HSPG2: variants seen among roughly 807,000 people sequenced by gnomAD.
HSPG2 encodes basement membrane-specific heparan sulfate proteoglycan core protein.
Under a neutral mutation model 526.6 loss-of-function variants are expected in HSPG2, and 278 were observed. The ratio of observed to expected loss-of-function variants is 0.53; its 90% confidence interval spans 0.48 to 0.58. HSPG2 has a LOEUF of 0.58. HSPG2 is among the 20% of genes least tolerant of loss of function. The pLI is 0.00. For missense variants in HSPG2, 5,354 were observed against 6,099.5 expected, an observed-to-expected ratio of 0.88 and a Z score of 4.07; for synonymous variants, 2,465 against 2,555.4, an observed-to-expected ratio of 0.96 and a Z score of 1.07.
intron 44 of HSPG2, among the ~76,000 whole-genome samples, chr1:21,856,365 G>C (rs1403259056): frequency 6.6e-6 from 1 of 152,146 alleles, no homozygotes; most frequent in Non-Finnish European, 1.5e-5. Flanking sequence ...TCCTCAGAGA[G>C]GCCCTCCCTG....
At chr1:21,933,915 C>A (rs1161576038) in intron 1 of HSPG2, among the ~76,000 whole-genome samples, 2 of 152,220 alleles carry the variant, frequency 1.3e-5, no homozygotes, top group African/African-American at 4.8e-5. Context: ...CAGCTGGCAG[C>A]CTCCCCAGTG....
chr1:21,906,191 C>T (rs900119599), intron 1 of HSPG2, among the ~76,000 whole-genome samples: 3 of 152,242 alleles, frequency 2.0e-5, no homozygotes, highest in African/African-American at 7.2e-5. Context: ...CTGGGACTTT[C>T]CTGCTGGGAA....
chr1:21,847,715 C>A lies in HSPG2; in HGVS notation c.7999G>T (p.Gly2667Trp), dbSNP rs768427974. The change falls in exon 61 of 97, where the codon GGG (glycine) becomes TGG (tryptophan). Residue 2667 changes from glycine (G) to tryptophan (W), a missense_variant. Gly to Trp is a radical substitution (Grantham distance 184). Transcript: ENST00000374695. This position sits in a 1 kb window ranked among gnomAD's most constrained non-coding sequence, Gnocchi z 4.1. ...TGGTGTCGGGAGGGAAGGCTGCCCC[C>A]ACGCTTGTACCATGTGATGATAGCC... Reference protein sequence around the residue: ...PQAIITWYKRGGSLPSRHQTH... With the variant: ...PQAIITWYKRWGSLPSRHQTH... 7.4e-6 allele frequency: 12 copies of A among 1,610,840 alleles called. No individual in the cohort carries two copies. The Admixed American group carries it at 1.5e-4, about 20-fold the overall frequency.
chr1:21,823,343 C>T lies in HSPG2; in HGVS notation c.13149G>A (p.Gly4383=), dbSNP rs760987196. Residue 4383 remains glycine (G), a synonymous_variant, in exon 97 of 97, where the codon GGG becomes GGA. Coordinates refer to ENST00000374695, the MANE Select transcript of HSPG2 (RefSeq NM_005529.7). Reference sequence around the variant, plus strand: ...ACGAGGGGCAGGGGCGTGTGTTGGCCCCGGCCTGGGCGCGGTGCTGCAGGT... The same window carrying T: ...ACGAGGGGCAGGGGCGTGTGTTGGCTCCGGCCTGGGCGCGGTGCTGCAGGT... The part of the protein sequence containing the change: ...PLDLQHRAQA[G]ANTRPCPS The T allele has an allele frequency of 5.2e-6, 8 of 1,542,882 alleles. No homozygotes were observed. The Admixed American group carries it at 1.4e-4, about 26-fold the overall frequency.
At position 21,896,288 on chromosome 1, in the gene HSPG2, T is replaced by C. The variant is rs1240459544; in HGVS notation, c.86A>G (p.Tyr29Cys). The C allele has an allele frequency of 1.1e-5, 17 of 1,613,520 alleles. No individual in the cohort carries two copies. The highest frequency in any genetic ancestry group is 1.0e-4 in the Admixed American group (6 of 59,982). ...LLAVTHGLRA[Y>C]DGLSLPEDIE... is the part of the protein sequence containing the mutation. ...GTCCTCAGGCAGAGACAAGCCATCG[T>C]ATGCCCTCAGCCCATGGGTCACCTG... is the stretch of plus-strand genomic sequence containing the variant. The change falls in exon 2 of 97, where the codon TAC becomes TGC. Residue 29 changes from tyrosine to cysteine, a missense_variant. Tyr to Cys is a radical substitution (Grantham distance 194). Coordinates refer to ENST00000374695, the MANE Select transcript of HSPG2 (RefSeq NM_005529.7).
Position 21,824,639 on chromosome 1 carries a change from G to A in HSPG2, c.12666-24C>T. The A allele has an allele frequency of 6.2e-7, 1 of 1,613,886 alleles. No individual in the cohort carries two copies. On this transcript the variant is annotated intron_variant, in intron 92 of 96. Coordinates refer to ENST00000374695, the MANE Select transcript of HSPG2 (RefSeq NM_005529.7). This position sits in a 1 kb window ranked among gnomAD's most constrained non-coding sequence, Gnocchi z 5.9. ...GGCTGCGGAGGAAGAGCGGGTGAGG[G>A]GACAGAAGTCCCAGATTCCCATCCT...
intron 1 of HSPG2, among the ~76,000 whole-genome samples, chr1:21,918,001 T>A (rs1326219623): frequency 2.0e-5 from 3 of 152,156 alleles, no homozygotes; most frequent in Non-Finnish European, 4.4e-5. Flanking sequence ...CTTCCTAATG[T>A]CCAGCAGCTA....
At chr1:21,874,110 C>T in intron 28 of HSPG2, 99 bp from the exon 29 acceptor site, 1 of 994,134 alleles carries the variant, frequency 1.0e-6, no homozygotes, top group Non-Finnish European at 1.5e-6. Flanking sequence ...GAAGAACAGG[C>T]ATGTGAACTC....
intron 1 of HSPG2, among the ~76,000 whole-genome samples, chr1:21,912,216 T>G (rs1330738673): frequency 6.6e-6 from 1 of 152,156 alleles, no homozygotes; most frequent in Non-Finnish European, 1.5e-5. Context: ...TCACTTGACC[T>G]CTCTGAGCCT....
At position 21,865,034 on chromosome 1, in the gene HSPG2, C is replaced by T. The variant is rs759310815; in HGVS notation, c.4435G>A (p.Glu1479Lys). 8.3e-6 allele frequency: 13 copies of T among 1,571,154 alleles called. No individual in the cohort carries two copies. The highest frequency in any genetic ancestry group is 4.7e-5 in the East Asian group (2 of 42,428). Reference protein sequence around the residue: ...RRPDGQPATREHLLMALADLD... With the variant: ...RRPDGQPATRKHLLMALADLD... ...TCGGCCAGTGCCATCAGGAGGTGCTCGCGTGTGGCCGGCTGCCCATCGGGC... is the reference window on the plus strand; with the variant it reads ...TCGGCCAGTGCCATCAGGAGGTGCTTGCGTGTGGCCGGCTGCCCATCGGGC... Residue 1479 changes from glutamate (E) to lysine (K), a missense_variant, in exon 36 of 97, where the codon GAG becomes AAG. Physicochemically the swap from Glu to Lys is moderately conservative, Grantham distance 56. Coordinates refer to ENST00000374695, the MANE Select transcript of HSPG2 (RefSeq NM_005529.7). The surrounding 1 kb of genome is among the most constrained non-coding windows in gnomAD (Gnocchi z 5.4).
chr1:21,886,115 G>A (rs1316404633), intron 9 of HSPG2, among the ~76,000 whole-genome samples: 1 of 152,238 alleles, frequency 6.6e-6, no homozygotes, highest in African/African-American at 2.4e-5. Context: ...GGAGGTAGCC[G>A]TGGGCGCAGC....
At chr1:21,886,268 G>A (rs1273180380) in intron 9 of HSPG2, among the ~76,000 whole-genome samples, 1 of 152,186 alleles carries the variant, frequency 6.6e-6, no homozygotes, top group Non-Finnish European at 1.5e-5. Context: ...TCCAACTAAA[G>A]CCCCCAATTA....
intron 1 of HSPG2, among the ~76,000 whole-genome samples, chr1:21,934,526 T>C (rs1280230901): frequency 6.6e-6 from 1 of 151,980 alleles, no homozygotes; most frequent in East Asian, 1.9e-4. Context: ...CCCAACACTT[T>C]AGGAGACCGA....
intron 1 of HSPG2, among the ~76,000 whole-genome samples, chr1:21,934,497 G>A (rs1302249465): frequency 6.6e-6 from 1 of 152,182 alleles, no homozygotes; most frequent in African/African-American, 2.4e-5. Context: ...GGCCAGGCAT[G>A]ATGGCTTATG....
Position 21,833,385 on chromosome 1 carries a change from C to G in HSPG2, c.10979-1G>C. ...TGCGTGAAGTAGGGCACCACCCGCTCTGCCAGCAGAGAGCACAGCTGAAGA... is the reference window on the plus strand; with the variant it reads ...TGCGTGAAGTAGGGCACCACCCGCTGTGCCAGCAGAGAGCACAGCTGAAGA... On this transcript the variant is annotated splice_acceptor_variant, in intron 79 of 96. Coordinates refer to ENST00000374695, the MANE Select transcript of HSPG2 (RefSeq NM_005529.7). LOFTEE classifies it high-confidence loss of function. 6.2e-7 allele frequency: 1 copy of G among 1,614,166 alleles called. No homozygotes were observed. The highest frequency in any genetic ancestry group is 8.5e-7 in the Non-Finnish European group (1 of 1,179,978).
At chr1:21,869,208 T>A (rs1640466891) in intron 33 of HSPG2, among the ~76,000 whole-genome samples, 1 of 152,190 alleles carries the variant, frequency 6.6e-6, no homozygotes, top group Admixed American at 6.5e-5. Context: ...GGTCGGCTTC[T>A]CCTCCCATCT....
chr1:21,894,983 T>C (rs978494280), intron 3 of HSPG2, among the ~76,000 whole-genome samples: 4 of 152,214 alleles, frequency 2.6e-5, no homozygotes, highest in African/African-American at 9.6e-5. Context: ...CCTACCCTCC[T>C]GTCTACACTG....
At chr1:21,902,571 AC>A (rs1430492636) in intron 1 of HSPG2, among the ~76,000 whole-genome samples, 1 of 152,162 alleles carries the variant, frequency 6.6e-6, no homozygotes, top group Non-Finnish European at 1.5e-5. Flanking sequence ...GGAGTCTGAA[AC>A]CAGGACTCCC....
In HSPG2 at chr1:21,872,432, G is replaced by A; in HGVS notation, c.4030-55C>T. The A allele has an allele frequency of 6.7e-7, 1 of 1,495,804 alleles. No homozygotes were observed. Among genetic ancestry groups the A allele is most frequent in the South Asian group, 1.3e-5 (1 of 79,862 alleles). The allele number at this position is 1,495,804 out of a possible 1,614,324, so 92.7% of individuals were successfully genotyped here. The stretch of plus-strand genomic sequence containing the variant: ...CCTGAGCACCGGGGTGCCTTGGTGG[G>A]GGATGGGGCACGGGAGGGTGTTAAG... On this transcript the variant is annotated intron_variant, in intron 32 of 96. Transcript: ENST00000374695. The surrounding 1 kb of genome is among the most constrained non-coding windows in gnomAD (Gnocchi z 5.5).
Sources: allele counts gnomAD v4.1 joint callset (sites outside exome capture counted in the v4.1 genomes callset), GRCh38; gene constraint gnomAD v4.1.1; non-coding constraint Gnocchi (gnomAD v3.1); transcripts MANE v1.5; gene names NCBI Gene and HGNC (gene_info 2026-07-23, HGNC 2026-07-21).